Variants in ANXA8 observed in about 807,000 individuals in gnomAD.
ANXA8 encodes annexin A8, also known as VAC-beta.
In ANXA8, 9 loss-of-function variants were observed where a neutral mutation model predicts 26.8. The observed-to-expected ratio is 0.34, with a 90% CI of 0.20 to 0.59. The LOEUF (loss-of-function observed/expected upper bound fraction) is 0.59, where lower values mean the gene tolerates loss of function less well. ANXA8 is among the 20% of genes least tolerant of loss of function. The probability of loss-of-function intolerance (pLI) is 0.84; values close to 1 mark genes in which losing one functional copy is unlikely to be tolerated. For missense variants in ANXA8, 83 were observed against 238.5 expected (o/e 0.35, Z 4.29); for synonymous variants, 39 against 94.8 (o/e 0.41, Z 3.42).
the ANXA8 span, among the ~76,000 whole-genome samples, chr10:47,522,071 G>GCCA: frequency 6.6e-6 from 1 of 150,540 alleles, no homozygotes; most frequent in Non-Finnish European, 1.5e-5. Context: ...ACAGGCGTGA[G>GCCA]CCACCAAGCC....
chr10:47,746,993 A>C, the ANXA8 span, among the ~76,000 whole-genome samples: 1 of 129,048 alleles, frequency 7.7e-6, no homozygotes, highest in African/African-American at 2.9e-5. Context: ...GAACAACTGG[A>C]AAGGCTGAAT....
the ANXA8 span, among the ~76,000 whole-genome samples, chr10:47,585,764 C>A: frequency 3.1e-5 from 1 of 32,712 alleles, no homozygotes; most frequent in Non-Finnish European, 5.4e-5. Flanking sequence ...TTTCTTTTAA[C>A]TTGGTCTCAA....
chr10:47,587,453 C>T, the ANXA8 span, among the ~76,000 whole-genome samples: 42 of 146,656 alleles, frequency 2.9e-4, no homozygotes, highest in Non-Finnish European at 5.0e-4. Context: ...TGACAGTAGT[C>T]ACCCTGCATT....
the ANXA8 span, among the ~76,000 whole-genome samples, chr10:47,580,925 A>T: frequency 1.3e-5 from 2 of 148,610 alleles, no homozygotes; most frequent in African/African-American, 5.1e-5. Context: ...AAATACAAAA[A>T]ATTAGCTGGA....
the ANXA8 span, among the ~76,000 whole-genome samples, chr10:47,765,892 A>C: frequency 1.4e-5 from 2 of 147,228 alleles, no homozygotes; most frequent in African/African-American, 2.5e-5. Context: ...GGGCTCTCCC[A>C]CCATGCTGCT....
chr10:47,958,993 T>C, the ANXA8 span, among the ~76,000 whole-genome samples: 8 of 150,192 alleles, frequency 5.3e-5, no homozygotes, highest in African/African-American at 2.0e-4. Flanking sequence ...ATATCAACGA[T>C]GTTATCCTGT....
chr10:47,693,915 G>A, the ANXA8 span, among the ~76,000 whole-genome samples: 1 of 151,990 alleles, frequency 6.6e-6, no homozygotes, highest in South Asian at 2.1e-4. Flanking sequence ...ATGTTGCAGA[G>A]CTGAAATCTA....
chr10:47,485,521 G>A (rs1840020584), upstream of ANXA8, among the ~76,000 whole-genome samples: 2 of 152,092 alleles, frequency 1.3e-5, no homozygotes, highest in Admixed American at 6.5e-5. Flanking sequence ...CAAACTGTGA[G>A]TCCAATTCTA....
chr10:47,705,063 A>G, the ANXA8 span, among the ~76,000 whole-genome samples: 1 of 152,192 alleles, frequency 6.6e-6, no homozygotes, highest in East Asian at 1.9e-4. Context: ...GCAAAGAGTT[A>G]AAGACCAATA....
the ANXA8 span, among the ~76,000 whole-genome samples, chr10:47,650,486 A>G: frequency 1.3e-5 from 2 of 152,042 alleles, no homozygotes; most frequent in East Asian, 3.9e-4. Context: ...TCACAGCTCC[A>G]TAAGAAAAAA....
At chr10:47,761,937 G>A in the ANXA8 span, among the ~76,000 whole-genome samples, 1 of 134,804 alleles carries the variant, frequency 7.4e-6, no homozygotes, top group African/African-American at 2.7e-5. Flanking sequence ...GCTTAAAGAA[G>A]CCATTTCCTT....
chr10:47,564,376 G>GAGCCA, the ANXA8 span: 1 of 780,532 alleles, frequency 1.3e-6, no homozygotes, highest in South Asian at 1.5e-5. Flanking sequence ...TACAACAGCT[G>GAGCCA]GCATGTGCTC....
At chr10:47,707,086 T>A in the ANXA8 span, among the ~76,000 whole-genome samples, 1 of 143,626 alleles carries the variant, frequency 7.0e-6, no homozygotes, top group African/African-American at 2.4e-5. Flanking sequence ...ATTGTTACAC[T>A]ACTATTAACT....
chr10:47,696,167 T>C, the ANXA8 span, among the ~76,000 whole-genome samples: 7 of 152,044 alleles, frequency 4.6e-5, no homozygotes, highest in African/African-American at 1.7e-4. Context: ...TATAGAGCAG[T>C]GGACTTCCAT....
the ANXA8 span, among the ~76,000 whole-genome samples, chr10:47,596,655 CACAACTA>C: frequency 1.4e-5 from 2 of 141,924 alleles, no homozygotes; most frequent in East Asian, 4.0e-4. Flanking sequence ...TTTCTATGTG[CACAACTA>C]GATAACCTAG....
At chr10:47,972,542 C>T in the ANXA8 span, among the ~76,000 whole-genome samples, 1 of 121,014 alleles carries the variant, frequency 8.3e-6, no homozygotes, top group South Asian at 3.1e-4. Context: ...GTCGGATCTT[C>T]AAGGAGACCT....
the ANXA8 span, among the ~76,000 whole-genome samples, chr10:47,653,563 T>C: frequency 6.6e-6 from 1 of 151,176 alleles, no homozygotes; most frequent in Non-Finnish European, 1.5e-5. Context: ...ATTGAGTTTG[T>C]CCAAATGGGG....
At chr10:47,706,006 G>GT in the ANXA8 span, among the ~76,000 whole-genome samples, 2 of 151,086 alleles carry the variant, frequency 1.3e-5, no homozygotes, top group African/African-American at 2.4e-5. Context: ...CGTGTTGTGG[G>GT]GGGGGAGGGG....
the ANXA8 span, among the ~76,000 whole-genome samples, chr10:47,666,594 T>C: frequency 3.9e-5 from 6 of 151,926 alleles, no homozygotes; most frequent in African/African-American, 1.5e-4. Flanking sequence ...ATTTTTATGT[T>C]TTTCTTTTAC....
Sources: allele counts gnomAD v4.1 joint callset (sites outside exome capture counted in the v4.1 genomes callset), GRCh38; gene constraint gnomAD v4.1.1; transcripts MANE v1.5; gene names NCBI Gene and HGNC (gene_info 2026-07-23, HGNC 2026-07-21).